Variants in SLC30A8 observed in about 807,000 individuals in gnomAD.
SLC30A8 encodes the protein proton-coupled zinc antiporter SLC30A8.
A neutral mutation model predicts 36.9 loss-of-function variants in SLC30A8; 27 were observed. That is an observed-to-expected ratio of 0.73 (90% confidence interval 0.54 to 1.01). SLC30A8 has a LOEUF of 1.01. Ranked by LOEUF, SLC30A8 falls within the 50% of genes least tolerant of loss-of-function variation. The pLI, the probability that SLC30A8 is intolerant of heterozygous loss-of-function variation, is 0.00. For synonymous variants in SLC30A8, 164 were observed against 172.4 expected, an observed-to-expected ratio of 0.95 and a Z score of 0.38; for missense variants, 439 against 452.0, an observed-to-expected ratio of 0.97 and a Z score of 0.26.
chr8:117,159,817 G>A lies in SLC30A8; in HGVS notation c.573-1921G>A, dbSNP rs1822684508. On this transcript the variant is annotated intron_variant, in intron 4 of 7. Coordinates refer to ENST00000456015, the MANE Select transcript of SLC30A8 (RefSeq NM_173851.3). ...GGCTGTCTTGATGCTACACAAAGAT[G>A]AAGGCTACAAACCTACCCAACTATC... is the stretch of plus-strand genomic sequence containing the variant. Among the ~76,000 whole-genome samples, 5 of 152,314 alleles carry A rather than the reference G, an allele frequency of 3.3e-5. No homozygotes were observed. The South Asian group carries it at 1.0e-3, about 32-fold the overall frequency.
chr8:117,113,538 C>G (rs940133882), intron 2 of SLC30A8, among the ~76,000 whole-genome samples: 2 of 152,108 alleles, frequency 1.3e-5, no homozygotes, highest in African/African-American at 2.4e-5. Context: ...CTAAGCCTGG[C>G]TGCATTGCCC....
In SLC30A8 at chr8:117,047,042, G is replaced by A. The variant is rs35049563; in HGVS notation, c.-226+7784G>A. Among the ~76,000 whole-genome samples, 423 of 152,258 alleles carry A rather than the reference G, an allele frequency of 2.8e-3. 1 individual carries two copies. The highest frequency in any genetic ancestry group is 9.4e-3 in the African/African-American group (389 of 41,550). ...CCATGGATTGCCTGCTTTTGGCTCA[G>A]GTGACCACCTTGGTTTAGTCACTGT... On this transcript the variant is annotated intron_variant, in intron 2 of 10. Coordinates refer to the SLC30A8 transcript ENST00000427715.
chr8:116,957,858 A>G (rs1025692079), intron 1 of SLC30A8, among the ~76,000 whole-genome samples: 2 of 152,180 alleles, frequency 1.3e-5, no homozygotes, highest in Admixed American at 6.5e-5. Flanking sequence ...CCAAAAATCA[A>G]TAGCCATGCA....
At chr8:117,147,381 A>C (rs1488684643) in intron 2 of SLC30A8, among the ~76,000 whole-genome samples, 7 of 152,202 alleles carry the variant, frequency 4.6e-5, no homozygotes, top group African/African-American at 1.7e-4. Flanking sequence ...TGTTTTGTAC[A>C]ATGCATTTTG....
At chr8:117,045,957 T>C (rs1263582199) in intron 2 of SLC30A8, among the ~76,000 whole-genome samples, 2 of 152,072 alleles carry the variant, frequency 1.3e-5, no homozygotes, top group Non-Finnish European at 2.9e-5. Context: ...TCTTTTTTTT[T>C]TTAAAACTGA....
At chr8:116,964,135 G>A (rs1362304555) in intron 1 of SLC30A8, among the ~76,000 whole-genome samples, 2 of 152,202 alleles carry the variant, frequency 1.3e-5, no homozygotes, top group Admixed American at 1.3e-4. Context: ...TATAAGACCT[G>A]AAGCTGAAAA....
chr8:116,964,493 C>T (rs376575432), intron 1 of SLC30A8, among the ~76,000 whole-genome samples: 1 of 152,170 alleles, frequency 6.6e-6, no homozygotes, highest in African/African-American at 2.4e-5. Flanking sequence ...GCAGCCAGCT[C>T]CTATTACATA....
chr8:117,036,745 C>T (rs377175844), intron 1 of SLC30A8, among the ~76,000 whole-genome samples: 103 of 152,192 alleles, frequency 6.8e-4, no homozygotes, highest in African/African-American at 2.3e-3. Context: ...CACCGGGTCC[C>T]TCTCTTGACA....
chr8:116,983,927 C>A (rs554615608), intron 1 of SLC30A8, among the ~76,000 whole-genome samples: 2 of 152,174 alleles, frequency 1.3e-5, no homozygotes, highest in South Asian at 4.2e-4. Flanking sequence ...CAATCACAAT[C>A]AAGATGCAGG....
chr8:117,150,979 A>G (rs1822157180), intron 2 of SLC30A8, among the ~76,000 whole-genome samples: 1 of 151,376 alleles, frequency 6.6e-6, no homozygotes, highest in South Asian at 2.1e-4. Context: ...CTCCTTAGCC[A>G]TAGAATCACA....
intron 1 of SLC30A8, among the ~76,000 whole-genome samples, chr8:117,030,272 A>G (rs1816999957): frequency 6.6e-6 from 1 of 151,042 alleles, no homozygotes; most frequent in African/African-American, 2.4e-5. Context: ...AAAAAAAAAA[A>G]GGCACCCAAA....
At chr8:116,964,282 T>A (rs1814525265) in intron 1 of SLC30A8, among the ~76,000 whole-genome samples, 1 of 152,230 alleles carries the variant, frequency 6.6e-6, no homozygotes, top group Non-Finnish European at 1.5e-5. Flanking sequence ...TTAATTAATT[T>A]ATCTCTATTC....
chr8:117,098,862 A>G (rs1231599201), intron 2 of SLC30A8, among the ~76,000 whole-genome samples: 1 of 152,156 alleles, frequency 6.6e-6, no homozygotes, highest in Non-Finnish European at 1.5e-5. Context: ...GCTTCTGGGG[A>G]AAAAGGTGAT....
At chr8:117,086,474 A>C (rs542930787) in intron 2 of SLC30A8, among the ~76,000 whole-genome samples, 1 of 152,318 alleles carries the variant, frequency 6.6e-6, no homozygotes, top group South Asian at 2.1e-4. Context: ...ATTTTTCAAA[A>C]AGATCTCAAA....
intron 6 of SLC30A8, among the ~76,000 whole-genome samples, chr8:117,163,739 GT>G (rs764507689): frequency 8.5e-5 from 13 of 152,050 alleles, no homozygotes; most frequent in Non-Finnish European, 1.8e-4. Flanking sequence ...TCTAGCAACT[GT>G]TATGTAATAG....
At chr8:117,048,838 T>G (rs1444156268) in intron 2 of SLC30A8, among the ~76,000 whole-genome samples, 1 of 152,200 alleles carries the variant, frequency 6.6e-6, no homozygotes, top group Non-Finnish European at 1.5e-5. Flanking sequence ...TCATTACCCT[T>G]GCAACATTCC....
intron 2 of SLC30A8, among the ~76,000 whole-genome samples, chr8:117,083,406 T>A (rs1366806584): frequency 6.6e-6 from 1 of 152,124 alleles, no homozygotes; most frequent in African/African-American, 2.4e-5. Flanking sequence ...AAATGACTGG[T>A]TGATAAGGGA....
intron 1 of SLC30A8, among the ~76,000 whole-genome samples, chr8:117,030,363 T>C (rs1817004083): frequency 6.6e-6 from 1 of 152,356 alleles, no homozygotes; most frequent in East Asian, 1.9e-4. Flanking sequence ...TTTTAGTTGT[T>C]CACCAGGCAT....
At chr8:117,079,043 G>T (rs532454956) in intron 2 of SLC30A8, among the ~76,000 whole-genome samples, 1 of 150,704 alleles carries the variant, frequency 6.6e-6, no homozygotes, top group African/African-American at 2.4e-5. Context: ...ACAGAGTCTT[G>T]CTCTGTCGTC....
Sources: gnomAD v4.1 joint callset for allele counts (sites outside exome capture counted in the v4.1 genomes callset) on GRCh38, gnomAD v4.1.1 for gene constraint, MANE v1.5 for transcripts, NCBI Gene and HGNC (gene_info 2026-07-23, HGNC 2026-07-21) for gene names.